DMD: variants seen among roughly 807,000 people sequenced by gnomAD.
DMD encodes dystrophin.
DMD carries 63 observed loss-of-function variants against 330.1 expected under a neutral mutation model. The observed-to-expected ratio is 0.19, with a 90% CI of 0.16 to 0.24. DMD has a LOEUF of 0.24. Among genes scored for constraint, DMD ranks in the 10% least tolerant of loss-of-function variants. The probability of loss-of-function intolerance (pLI) is 1.00; values close to 1 mark genes in which losing one functional copy is unlikely to be tolerated. For synonymous variants in DMD, 1,223 were observed against 959.8 expected, an observed-to-expected ratio of 1.27 and a Z score of -5.07; for missense variants, 3,344 against 2,684.1, an observed-to-expected ratio of 1.25 and a Z score of -5.43.
intron 9 of DMD, among the ~76,000 whole-genome samples, chrX:32,660,643 T>C (rs1335740870): frequency 1.8e-5 from 2 of 111,475 alleles, no homozygotes; most frequent in African/African-American, 3.2e-5. Flanking sequence ...ATATTGTTAA[T>C]ACAGAAGCTT....
intron 15 of DMD, among the ~76,000 whole-genome samples, chrX:32,572,632 G>A (rs1175694977): frequency 7.6e-5 from 8 of 105,876 alleles, no homozygotes; most frequent in African/African-American, 2.4e-4. Context: ...TCCATTTATT[G>A]CCAAAGAAAT....
At chrX:32,885,417 G>A (rs944988268) in intron 2 of DMD, among the ~76,000 whole-genome samples, 1 of 92,721 alleles carries the variant, frequency 1.1e-5, no homozygotes, top group Non-Finnish European at 2.3e-5. Context: ...CTAAGGCTTT[G>A]AAGAGAAATG....
chrX:32,088,873 T>C (rs780424360), intron 44 of DMD, among the ~76,000 whole-genome samples: 1 of 111,417 alleles, frequency 9.0e-6, no homozygotes, highest in East Asian at 2.8e-4. Flanking sequence ...TTGAAGTTCA[T>C]TGAGTGTTCA....
chrX:32,852,779 T>G (rs1276102579), intron 2 of DMD, among the ~76,000 whole-genome samples: 1 of 111,078 alleles, frequency 9.0e-6, no homozygotes, highest in Non-Finnish European at 1.9e-5. Flanking sequence ...CCTGAGGCAG[T>G]GGTAGCCATG....
intron 16 of DMD, among the ~76,000 whole-genome samples, chrX:32,553,882 T>A (rs973577427): frequency 2.4e-4 from 27 of 111,605 alleles, no homozygotes; most frequent in African/African-American, 8.1e-4. Flanking sequence ...TTTGTTTGTT[T>A]GAAAGTGTGT....
intron 44 of DMD, among the ~76,000 whole-genome samples, chrX:32,060,875 G>A (rs1193218353): frequency 9.0e-6 from 1 of 111,077 alleles, no homozygotes; most frequent in Non-Finnish European, 1.9e-5. Context: ...AAAAGAAGTT[G>A]GTCTGGGTGC....
intron 44 of DMD, among the ~76,000 whole-genome samples, chrX:32,004,161 G>C (rs2095645876): frequency 1.8e-5 from 2 of 111,337 alleles, no homozygotes; most frequent in African/African-American, 6.5e-5. Flanking sequence ...GTTTTTGGCA[G>C]AGACATATGT....
chrX:32,994,315 A>T (rs1387398174), intron 2 of DMD, among the ~76,000 whole-genome samples: 1 of 103,029 alleles, frequency 9.7e-6, no homozygotes, highest in Non-Finnish European at 2.0e-5. Flanking sequence ...AATATAAAAA[A>T]GGTGGAAGCC....
intron 62 of DMD, among the ~76,000 whole-genome samples, chrX:31,319,536 T>C (rs1323733643): frequency 8.9e-6 from 1 of 112,087 alleles, no homozygotes; most frequent in Admixed American, 9.4e-5. Flanking sequence ...TTTGACACCA[T>C]TGGATAAACT....
intron 52 of DMD, among the ~76,000 whole-genome samples, chrX:31,692,953 C>G (rs1231792381): frequency 1.8e-5 from 2 of 111,478 alleles, no homozygotes; most frequent in African/African-American, 6.5e-5. Flanking sequence ...GATCCCAAAG[C>G]CAGGCAAAGA....
chrX:32,515,506 T>C (rs1296057983), intron 18 of DMD, among the ~76,000 whole-genome samples: 1 of 111,400 alleles, frequency 9.0e-6, no homozygotes, highest in Non-Finnish European at 1.9e-5. Context: ...CTCCAGATTT[T>C]CAGACACCTT....
intron 2 of DMD, among the ~76,000 whole-genome samples, chrX:32,888,468 C>CCA (rs1371407010): frequency 1.8e-5 from 2 of 111,430 alleles, no homozygotes; most frequent in Non-Finnish European, 3.8e-5. Context: ...TGCTATCACC[C>CCA]CACACCTGTC....
chrX:31,915,105 C>T (rs1034742530), intron 47 of DMD, among the ~76,000 whole-genome samples: 1 of 112,349 alleles, frequency 8.9e-6, no homozygotes, highest in Non-Finnish European at 1.9e-5. Flanking sequence ...TTATAGGTCA[C>T]TGGACCATGA....
chrX:33,332,088 G>T (rs2054187872), intron 1 of DMD, among the ~76,000 whole-genome samples: 1 of 111,637 alleles, frequency 9.0e-6, no homozygotes, highest in African/African-American at 3.2e-5. Flanking sequence ...GCTAACTTGA[G>T]TTTTTTCATT....
intron 44 of DMD, among the ~76,000 whole-genome samples, chrX:32,063,187 A>AACACACACACACAC (rs113943502): frequency 0.079 from 7,940 of 100,610 alleles, 258 homozygotes; most frequent in East Asian, 0.15. Flanking sequence ...AAGTATGTCT[A>AACACACACACACAC]ACACACACAC....
At chrX:31,212,881 C>G (rs1210003781) in intron 64 of DMD, among the ~76,000 whole-genome samples, 1 of 111,907 alleles carries the variant, frequency 8.9e-6, no homozygotes, top group Non-Finnish European at 1.9e-5. Context: ...TAGGATAAAA[C>G]AGAAGCACCA....
At chrX:32,695,392 T>C (rs899472670) in intron 9 of DMD, among the ~76,000 whole-genome samples, 1 of 112,063 alleles carries the variant, frequency 8.9e-6, no homozygotes, top group Non-Finnish European at 1.9e-5. Context: ...ACGAGTGATG[T>C]AATTTGGTTG....
chrX:31,755,394 A>G (rs1009952517), intron 51 of DMD, among the ~76,000 whole-genome samples: 1 of 111,921 alleles, frequency 8.9e-6, no homozygotes, highest in African/African-American at 3.2e-5. Flanking sequence ...TAGTTGTCTG[A>G]TGCCTTCTCT....
rs1247464285 is a variant in DMD at position 32,433,098 on chromosome X, CTTTAATA to C, written c.4071+5136_4071+5142del. Among the ~76,000 whole-genome samples the C allele has an allele frequency of 6.2e-5, 7 of 112,514 alleles. No homozygotes were observed. In the East Asian group the frequency reaches 1.7e-3, roughly 27 times the overall value. On this transcript the variant is annotated intron_variant, in intron 29 of 78. Transcript: ENST00000357033. ...AGGCTTTGGACTTCTCAATGTGTGACTTTAATATTTAAGACTCTAAATTTTATTTTAA... is the reference window on the plus strand; with the variant it reads ...AGGCTTTGGACTTCTCAATGTGTGACTTTAAGACTCTAAATTTTATTTTAA...
Sources: gnomAD v4.1 joint callset for allele counts (sites outside exome capture counted in the v4.1 genomes callset) on GRCh38, gnomAD v4.1.1 for gene constraint, MANE v1.5 for transcripts, NCBI Gene and HGNC (gene_info 2026-07-23, HGNC 2026-07-21) for gene names.